DENND1A: variants seen among roughly 807,000 people sequenced by gnomAD.
DENND1A encodes DENN domain-containing protein 1A.
DENND1A carries 51 observed loss-of-function variants against 113.7 expected under a neutral mutation model. That is an observed-to-expected ratio of 0.45 (90% confidence interval 0.36 to 0.57). The LOEUF is 0.57. Among genes scored for constraint, DENND1A ranks in the 20% least tolerant of loss-of-function variants. DENND1A has a pLI of 0.00. For missense variants in DENND1A, 1,258 were observed against 1,395.9 expected, an observed-to-expected ratio of 0.90 and a Z score of 1.57; for synonymous variants, 565 against 570.8, an observed-to-expected ratio of 0.99 and a Z score of 0.14.
intron 1 of DENND1A, among the ~76,000 whole-genome samples, chr9:123,902,930 A>G (rs1339558067): frequency 6.6e-6 from 1 of 152,162 alleles, no homozygotes; most frequent in Non-Finnish European, 1.5e-5. Context: ...ATATTAGTAA[A>G]TGGAATATAA....
chr9:123,486,182 T>C (rs1227812490), intron 13 of DENND1A, among the ~76,000 whole-genome samples: 1 of 152,104 alleles, frequency 6.6e-6, no homozygotes, highest in African/African-American at 2.4e-5. Flanking sequence ...CAATCATAAA[T>C]ACGTTTAAAA....
intron 2 of DENND1A, among the ~76,000 whole-genome samples, chr9:123,860,560 A>G (rs1844917593): frequency 6.6e-6 from 1 of 152,226 alleles, no homozygotes; most frequent in Non-Finnish European, 1.5e-5. Flanking sequence ...CAACAGCACA[A>G]AAGTAAGACT....
At chr9:123,547,318 T>C (rs963362393) in intron 13 of DENND1A, among the ~76,000 whole-genome samples, 2 of 152,146 alleles carry the variant, frequency 1.3e-5, no homozygotes, top group Non-Finnish European at 2.9e-5. Flanking sequence ...TCACCTGAGG[T>C]TGGGAGTTTG....
intron 2 of DENND1A, among the ~76,000 whole-genome samples, chr9:123,861,175 C>A (rs1291013358): frequency 6.6e-6 from 1 of 152,060 alleles, no homozygotes; most frequent in Non-Finnish European, 1.5e-5. Context: ...CATGTAAGAC[C>A]CTGACCAGTG....
intron 12 of DENND1A, among the ~76,000 whole-genome samples, chr9:123,568,220 C>T (rs969285251): frequency 3.9e-5 from 6 of 152,222 alleles, no homozygotes; most frequent in Non-Finnish European, 7.3e-5. Context: ...CTGGGCTCAG[C>T]CCGACCTGAG....
At chr9:123,842,925 G>A (rs1842033671) in intron 2 of DENND1A, 2 of 275,074 alleles carry the variant, frequency 7.3e-6, no homozygotes, top group African/African-American at 4.5e-5. Context: ...AAGAATGCAA[G>A]GTTGGGTGCC....
chr9:123,694,331 A>G (rs998705390), intron 5 of DENND1A, among the ~76,000 whole-genome samples: 8 of 152,174 alleles, frequency 5.3e-5, no homozygotes, highest in African/African-American at 1.9e-4. Context: ...CCTTGAAAAG[A>G]AAAGGTAAAA....
At chr9:123,874,129 G>A (rs1349224041) in intron 2 of DENND1A, among the ~76,000 whole-genome samples, 2 of 150,352 alleles carry the variant, frequency 1.3e-5, no homozygotes, top group Non-Finnish European at 2.9e-5. Flanking sequence ...TGGGAGGATC[G>A]CTTGATCCAG....
chr9:123,752,544 G>A (rs978067378), intron 5 of DENND1A, among the ~76,000 whole-genome samples: 2 of 152,084 alleles, frequency 1.3e-5, no homozygotes, highest in African/African-American at 4.8e-5. Flanking sequence ...AAAGACAAAA[G>A]GTATTTAATT....
chr9:123,465,567 A>C (rs995895840), intron 13 of DENND1A, among the ~76,000 whole-genome samples: 6 of 152,170 alleles, frequency 3.9e-5, no homozygotes, highest in African/African-American at 9.7e-5. Context: ...GATGATAAAC[A>C]AATAGATTCT....
At chr9:123,479,523 G>C (rs768432044) in intron 13 of DENND1A, among the ~76,000 whole-genome samples, 6 of 152,202 alleles carry the variant, frequency 3.9e-5, no homozygotes, top group Non-Finnish European at 7.3e-5. Context: ...TGGAATTCCT[G>C]TAGTTTTCAG....
intron 21 of DENND1A, chr9:123,400,340 A>G (rs1184488965): frequency 6.6e-6 from 1 of 152,266 alleles, no homozygotes. Flanking sequence ...TCCTTTAAAA[A>G]AATCGTCCGT....
chr9:123,790,445 G>A (rs1482690820), intron 3 of DENND1A, among the ~76,000 whole-genome samples: 2 of 152,042 alleles, frequency 1.3e-5, no homozygotes, highest in African/African-American at 2.4e-5. Context: ...TCTCTGCTAA[G>A]TGAGGCTGAG....
chr9:123,546,188 G>T (rs1233989088), intron 13 of DENND1A, among the ~76,000 whole-genome samples: 1 of 152,096 alleles, frequency 6.6e-6, no homozygotes, highest in Non-Finnish European at 1.5e-5. Flanking sequence ...TTACACATTC[G>T]TGATGTGGTG....
intron 5 of DENND1A, among the ~76,000 whole-genome samples, chr9:123,715,905 G>A (rs2066944392): frequency 6.6e-6 from 1 of 151,844 alleles, no homozygotes; most frequent in South Asian, 2.1e-4. Context: ...CAAACTCCTG[G>A]CCTCAAGCGA....
At chr9:123,548,113 C>T (rs2056821034) in intron 13 of DENND1A, among the ~76,000 whole-genome samples, 1 of 152,160 alleles carries the variant, frequency 6.6e-6, no homozygotes. Flanking sequence ...ATACTCCTTC[C>T]ATCACATTCG....
In DENND1A at chr9:123,422,965, G is replaced by C. The variant is rs2045422884; in HGVS notation, c.1489-11136C>G. ...AGGATCCTAACGAAGACCAACTGCTGGAAAATCTCACTGTCAAATCCTCAA... is the reference window on the plus strand; with the variant it reads ...AGGATCCTAACGAAGACCAACTGCTCGAAAATCTCACTGTCAAATCCTCAA... On this transcript the variant is annotated intron_variant, in intron 19 of 23. Transcript: ENST00000394215. The surrounding 1 kb of genome is among the most constrained non-coding windows in gnomAD (Gnocchi z 4.8). 6.6e-6 allele frequency among the ~76,000 whole-genome samples: 1 copy of C among 152,170 alleles called. No homozygotes were observed. The highest frequency in any genetic ancestry group is 2.4e-5 in the African/African-American group (1 of 41,424).
intron 1 of DENND1A, among the ~76,000 whole-genome samples, chr9:123,912,903 C>T (rs1854290502): frequency 6.6e-6 from 1 of 152,078 alleles, no homozygotes. Context: ...AAGAATAAGG[C>T]ATTACCCCAC....
intron 1 of DENND1A, among the ~76,000 whole-genome samples, chr9:123,903,867 A>G (rs1168764163): frequency 2.0e-5 from 3 of 152,088 alleles, no homozygotes; most frequent in African/African-American, 7.3e-5. Flanking sequence ...GGTGGAGCCC[A>G]CCATAGCTCA....
Sources: allele counts gnomAD v4.1 joint callset (sites outside exome capture counted in the v4.1 genomes callset), GRCh38; gene constraint gnomAD v4.1.1; non-coding constraint Gnocchi (gnomAD v3.1); transcripts MANE v1.5; gene names NCBI Gene and HGNC (gene_info 2026-07-23, HGNC 2026-07-21).